THNSL1: variants seen among roughly 807,000 people sequenced by gnomAD.
The protein encoded by THNSL1 is threonine synthase like 1.
A neutral mutation model predicts 50.4 loss-of-function variants in THNSL1; 48 were observed. That is an observed-to-expected ratio of 0.95 (90% CI 0.76 to 1.21). The LOEUF (loss-of-function observed/expected upper bound fraction) is 1.21. Among genes scored for constraint, THNSL1 ranks in the 50% most tolerant of loss-of-function variants. The pLI is 0.00. For missense variants in THNSL1, 896 were observed against 871.7 expected (o/e 1.03, Z -0.35); for synonymous variants, 309 against 306.1 (o/e 1.01, Z -0.10).
At chr10:25,019,023 G>A (rs1850667666) in intron 1 of THNSL1, among the ~76,000 whole-genome samples, 1 of 152,154 alleles carries the variant, frequency 6.6e-6, no homozygotes, top group Admixed American at 6.5e-5. Flanking sequence ...CAAGTGGGAG[G>A]CCCTCTGAAT....
At position 25,021,248 on chromosome 10, in the gene THNSL1, A is replaced by G. The variant is rs78686453; in HGVS notation, c.-215-494A>G. Among the ~76,000 whole-genome samples the G allele has an allele frequency of 1.8e-3, 281 of 152,326 alleles. 5 individuals are homozygous for G. Among genetic ancestry groups the G allele is most frequent in the African/African-American group, 6.5e-3 (272 of 41,574 alleles). On this transcript the variant is annotated intron_variant, in intron 1 of 2. Transcript: ENST00000376356. ...CCACTATGATATGTGCTTTGATTTT[A>G]TTATAGACACTTATATAGCTAAGAG...
the THNSL1 span, among the ~76,000 whole-genome samples, chr10:24,959,008 C>A: frequency 6.6e-6 from 1 of 152,118 alleles, no homozygotes; most frequent in Non-Finnish European, 1.5e-5. Flanking sequence ...GTAAATAAAT[C>A]CACAGGGCTG....
intron 1 of THNSL1, among the ~76,000 whole-genome samples, chr10:25,017,430 G>A (rs1408699068): frequency 6.6e-6 from 1 of 152,130 alleles, no homozygotes; most frequent in African/African-American, 2.4e-5. Context: ...AGGAAATAAA[G>A]CTTCCCGGAG....
chr10:24,976,845 C>T, the THNSL1 span, among the ~76,000 whole-genome samples: 1 of 152,082 alleles, frequency 6.6e-6, no homozygotes, highest in African/African-American at 2.4e-5. Flanking sequence ...AAGTGGGTGC[C>T]AGCTGCCTGT....
the THNSL1 span, among the ~76,000 whole-genome samples, chr10:24,993,799 A>C: frequency 6.6e-6 from 1 of 152,162 alleles, no homozygotes; most frequent in Non-Finnish European, 1.5e-5. Flanking sequence ...TTCCTGTTGA[A>C]GGTAGAAAAT....
At position 25,025,629 on chromosome 10, in the gene THNSL1, A is replaced by G. The variant is rs1238621474; in HGVS notation, c.*174A>G. 4 of 635,100 alleles carry G rather than the reference A, an allele frequency of 6.3e-6. No homozygotes were observed. In the South Asian group the frequency reaches 6.5e-5, roughly 10 times the overall value. The allele number at this position is 635,100 out of a possible 1,614,324, so 39.3% of individuals were successfully genotyped here. A position where few individuals can be genotyped will look rare whatever the true frequency, so the allele number is the denominator to read the frequency against. On this transcript the variant is annotated 3_prime_UTR_variant, in exon 3 of 3. Transcript: ENST00000376356. Reference sequence around the variant, plus strand: ...TGAGAACTCCATGTCACCTCCTCAGATCTTTAATCTGGAAGTGACAAAAGG... The same window carrying G: ...TGAGAACTCCATGTCACCTCCTCAGGTCTTTAATCTGGAAGTGACAAAAGG...
the THNSL1 span, among the ~76,000 whole-genome samples, chr10:25,011,455 C>G: frequency 1.3e-5 from 2 of 152,098 alleles, no homozygotes; most frequent in Non-Finnish European, 2.9e-5. Context: ...TAATTAGATA[C>G]AAACCTGAGA....
the THNSL1 span, among the ~76,000 whole-genome samples, chr10:24,991,966 C>T: frequency 6.6e-6 from 1 of 152,304 alleles, no homozygotes; most frequent in South Asian, 2.1e-4. Flanking sequence ...GAAGTGTGAG[C>T]AGTGGGGCAC....
At chr10:24,994,051 G>C in the THNSL1 span, among the ~76,000 whole-genome samples, 2 of 152,078 alleles carry the variant, frequency 1.3e-5, no homozygotes, top group East Asian at 3.9e-4. Context: ...AACTTTATTG[G>C]CTTATCCTGG....
At chr10:25,014,891 A>G (rs1025594353), upstream of THNSL1, among the ~76,000 whole-genome samples, 22 of 152,334 alleles carry the variant, frequency 1.4e-4, no homozygotes, top group Non-Finnish European at 3.2e-4. Flanking sequence ...ATAATTGACC[A>G]TTAGATCTAA....
At chr10:24,995,938 T>C in the THNSL1 span, 39 of 1,251,608 alleles carry the variant, frequency 3.1e-5, no homozygotes, top group Non-Finnish European at 4.0e-5. Flanking sequence ...ATTTATAATA[T>C]CCAGATATTT....
the THNSL1 span, among the ~76,000 whole-genome samples, chr10:24,993,323 C>T: frequency 1.3e-5 from 2 of 152,134 alleles, no homozygotes; most frequent in South Asian, 2.1e-4. Context: ...TTAGGTGTCA[C>T]ATTTTGTGTC....
chr10:25,010,940 G>A, the THNSL1 span, among the ~76,000 whole-genome samples: 17 of 151,286 alleles, frequency 1.1e-4, no homozygotes, highest in African/African-American at 3.9e-4. Flanking sequence ...CATGATTTAT[G>A]GTCCTTTGGG....
rs776863941 is a variant in THNSL1 at position 25,024,790 on chromosome 10, A to T, written c.1567A>T (p.Met523Leu). 53 of 1,614,084 alleles carry T rather than the reference A, an allele frequency of 3.3e-5. No individual in the cohort carries two copies. The highest frequency in any genetic ancestry group is 4.1e-5 in the Non-Finnish European group (48 of 1,180,040). The change falls in exon 3 of 3, where the codon ATG becomes TTG. Residue 523 changes from methionine to leucine, a missense_variant. Met to Leu is a conservative substitution (Grantham distance 15). Coordinates refer to ENST00000376356, the MANE Select transcript of THNSL1 (RefSeq NM_024838.5). ...TTTAGCAGCAGTGTATGCCAAAATG[A>T]TGGGAATCCCGATTCGAAAATTTAT... is the stretch of plus-strand genomic sequence containing the variant. The part of the protein sequence containing the change: ...NILAAVYAKM[M>L]GIPIRKFICA...
upstream of THNSL1, among the ~76,000 whole-genome samples, chr10:25,014,777 A>G (rs1320141457): frequency 6.6e-6 from 1 of 152,206 alleles, no homozygotes; most frequent in Non-Finnish European, 1.5e-5. Context: ...AGATGTTGAT[A>G]TGCTAATGGA....
At chr10:24,970,761 C>T in the THNSL1 span, among the ~76,000 whole-genome samples, 8 of 150,998 alleles carry the variant, frequency 5.3e-5, no homozygotes, top group Admixed American at 2.0e-4. Flanking sequence ...CGATGGCTCA[C>T]GCCCGTAATC....
the THNSL1 span, among the ~76,000 whole-genome samples, chr10:24,955,665 C>T: frequency 6.6e-6 from 1 of 152,140 alleles, no homozygotes; most frequent in African/African-American, 2.4e-5. Context: ...GTTGATGGGG[C>T]TAGGCACCAT....
rs976813349 is a variant in THNSL1, at chr10:25,025,323, A to G, written c.2100A>G (p.Ala700=). 5.6e-6 allele frequency: 9 copies of G among 1,614,096 alleles called. No individual in the cohort carries two copies. The highest frequency in any genetic ancestry group is 6.8e-6 in the Non-Finnish European group (8 of 1,180,046). Residue 700 remains alanine, a synonymous_variant, in exon 3 of 3, where the codon GCA becomes GCG. Coordinates refer to ENST00000376356, the MANE Select transcript of THNSL1 (RefSeq NM_024838.5). Reference sequence around the variant, plus strand: ...TCTATTTGCTGGGTTCATACAATGCATTACCTCCACTGCATGAGGCTTTAT... The same window carrying G: ...TCTATTTGCTGGGTTCATACAATGCGTTACCTCCACTGCATGAGGCTTTAT... ...SQLYLLGSYN[A]LPPLHEALLE...
At chr10:24,989,147 A>C in the THNSL1 span, among the ~76,000 whole-genome samples, 11 of 152,258 alleles carry the variant, frequency 7.2e-5, no homozygotes, top group East Asian at 2.1e-3. Context: ...CCTGGCTTTC[A>C]CAAAGGCACG....
Sources: gnomAD v4.1 joint callset for allele counts (sites outside exome capture counted in the v4.1 genomes callset) on GRCh38, gnomAD v4.1.1 for gene constraint, MANE v1.5 for transcripts, NCBI Gene and HGNC (gene_info 2026-07-23, HGNC 2026-07-21) for gene names.